SETX: variants seen among roughly 807,000 people sequenced by gnomAD.
The protein encoded by SETX is helicase senataxin.
SETX carries 90 observed loss-of-function variants against 227.2 expected under a neutral mutation model. That is an observed-to-expected ratio of 0.40 (90% CI 0.33 to 0.47). The LOEUF (loss-of-function observed/expected upper bound fraction) is 0.47, where lower values mean the gene tolerates loss of function less well. SETX is among the 20% of genes least tolerant of loss of function. The probability of loss-of-function intolerance (pLI) is 0.91; values close to 1 mark genes in which losing one functional copy is unlikely to be tolerated. For synonymous variants in SETX, 1,210 were observed against 1,113.2 expected, an observed-to-expected ratio of 1.09 and a Z score of -1.73; for missense variants, 3,052 against 3,181.5, an observed-to-expected ratio of 0.96 and a Z score of 0.98.
intron 7 of SETX, among the ~76,000 whole-genome samples, chr9:132,333,406 A>T (rs13290302): frequency 0.72 from 46,464 of 64,348 alleles, 17,737 homozygotes; most frequent in Non-Finnish European, 0.78. Flanking sequence ...AAGAAAAAAA[A>T]AAATATATAT....
intron 2 of SETX, among the ~76,000 whole-genome samples, chr9:132,352,083 G>A (rs1168685490): frequency 6.6e-6 from 1 of 152,198 alleles, no homozygotes; most frequent in African/African-American, 2.4e-5. Context: ...ACATCTGGAA[G>A]TTTAGATTCA....
At position 132,327,922 on chromosome 9, in the gene SETX, G is replaced by A. The variant is rs2131440671; in HGVS notation, c.3676C>T (p.Leu1226Phe). 1.2e-6 allele frequency: 2 copies of A among 1,614,104 alleles called. No homozygotes were observed. The highest frequency in any genetic ancestry group is 8.5e-7 in the Non-Finnish European group (1 of 1,180,014). Residue 1226 changes from leucine (L) to phenylalanine (F), a missense_variant, in exon 10 of 26, where the codon CTT becomes TTT. Coordinates refer to ENST00000224140, the MANE Select transcript of SETX (RefSeq NM_015046.7). ...CTGATGGGTTCTGTACAAGTACAAA[G>A]CTTTGAAGACTTCTTTTGTGAAACC... The part of the protein sequence containing the change: ...TTVSQKKSSK[L>F]CTCTEPIRKV...
In SETX at chr9:132,330,044, T is replaced by C. The variant is rs752542249; in HGVS notation, c.1554A>G (p.Ile518Met). 6.2e-7 allele frequency: 1 copy of C among 1,614,258 alleles called. No homozygotes were observed. The highest frequency in any genetic ancestry group is 8.5e-7 in the Non-Finnish European group (1 of 1,180,018). ...GCATGGAATGCAATGACAGTGAAGA[T>C]ATCATTGCTGTTCCTTTGGAGCAAT... ...SGNCSKGTAMISSLSLHSMPS... is the reference protein window; with the variant it reads ...SGNCSKGTAMMSSLSLHSMPS... The change falls in exon 10 of 26, where the codon ATA (isoleucine) becomes ATG (methionine). Residue 518 changes from isoleucine to methionine, a missense_variant. Physicochemically the swap from Ile to Met is conservative, Grantham distance 10 (BLOSUM62 1). Around this residue, in one of 10 missense-constraint regions of SETX, gnomAD observed 179 missense variants for 197.1 expected, o/e 0.91. Coordinates refer to ENST00000224140, the MANE Select transcript of SETX (RefSeq NM_015046.7).
Position 132,327,072 on chromosome 9 carries a change from C to G in SETX, c.4526G>C (p.Cys1509Ser). Residue 1509 changes from cysteine to serine, a missense_variant, in exon 10 of 26, where the codon TGT becomes TCT. Cys to Ser is a moderately radical substitution (Grantham distance 112). Around this residue, in one of 10 missense-constraint regions of SETX, gnomAD observed 1,483 missense variants for 1,312.0 expected, o/e 1.13. Transcript: ENST00000224140. ...TQNDPEDMDLCSQMENDNYKL... is the reference protein window; with the variant it reads ...TQNDPEDMDLSSQMENDNYKL... Reference sequence around the variant, plus strand: ...ATAATTGTCATTCTCCATTTGTGAACATAAATCCATATCTTCAGGATCATT... The same window carrying G: ...ATAATTGTCATTCTCCATTTGTGAAGATAAATCCATATCTTCAGGATCATT... 1.2e-6 allele frequency: 2 copies of G among 1,614,180 alleles called. No homozygotes were observed. Among genetic ancestry groups the G allele is most frequent in the Non-Finnish European group, 8.5e-7 (1 of 1,180,038 alleles).
rs1309364396 is a variant in SETX at position 132,327,516 on chromosome 9, T to C, written c.4082A>G (p.Asn1361Ser). ...QRQIRPKSQKNRRRLSDCEST... is the reference protein window; with the variant it reads ...QRQIRPKSQKSRRRLSDCEST... ...TTCACAATCAGAAAGTCTTCGTCTA[T>C]TTTTTTGTGATTTGGGTCTGATCTG... is the stretch of plus-strand genomic sequence containing the variant. The change falls in exon 10 of 26, where the codon AAT becomes AGT. Residue 1361 changes from asparagine (N) to serine (S), a missense_variant. Asn to Ser is a conservative substitution (Grantham distance 46). Transcript: ENST00000224140. 1.2e-6 allele frequency: 2 copies of C among 1,614,016 alleles called. No homozygotes were observed. Among genetic ancestry groups the C allele is most frequent in the Non-Finnish European group, 8.5e-7 (1 of 1,180,018 alleles).
chr9:132,288,678 C>T (rs1198190166), intron 15 of SETX, 27 bp from the exon 16 acceptor site: 1 of 1,407,456 alleles, frequency 7.1e-7, no homozygotes, highest in Admixed American at 1.7e-5. Context: ...CAGTTAAGGA[C>T]TAATAAGGAC....
chr9:132,329,436 T>C lies in SETX; in HGVS notation c.2162A>G (p.Tyr721Cys), dbSNP rs768106768. ...KQKSVKEISSYTPKDCTSRNG... is the reference protein window; with the variant it reads ...KQKSVKEISSCTPKDCTSRNG... Reference sequence around the variant, plus strand: ...TCTTGAAGTACAGTCCTTTGGTGTATATGAAGAGATCTCTTTTACAGACTT... The same window carrying C: ...TCTTGAAGTACAGTCCTTTGGTGTACATGAAGAGATCTCTTTTACAGACTT... The change falls in exon 10 of 26, where the codon TAT (tyrosine) becomes TGT (cysteine). Residue 721 changes from tyrosine to cysteine, a missense_variant. Physicochemically the swap from Tyr to Cys is radical, Grantham distance 194. Transcript: ENST00000224140. 6.2e-6 allele frequency: 10 copies of C among 1,613,468 alleles called. No homozygotes were observed. The highest frequency in any genetic ancestry group is 8.5e-6 in the Non-Finnish European group (10 of 1,179,952).
In SETX at chr9:132,278,123, G is replaced by A. The variant is rs913428653; in HGVS notation, c.6789C>T (p.Asp2263=). The A allele has an allele frequency of 6.2e-7, 1 of 1,614,008 alleles. No homozygotes were observed. Among genetic ancestry groups the A allele is most frequent in the Non-Finnish European group, 8.5e-7 (1 of 1,179,994 alleles). ...CATAATTAGAAGGGAAGAGGCATAT[G>A]TCTGGATGCATCCTGTACTGAACAG... The part of the protein sequence containing the change: ...QLTVQYRMHP[D]ICLFPSNYVY... The change falls in exon 21 of 26, where the codon GAC becomes GAT. Residue 2263 remains aspartate, a synonymous_variant. Transcript: ENST00000224140.
chr9:132,353,918 G>A (rs950235870), intron 1 of SETX, among the ~76,000 whole-genome samples, 163 bp from the exon 2 acceptor site: 1 of 152,194 alleles, frequency 6.6e-6, no homozygotes, highest in East Asian at 1.9e-4. Context: ...CAGCAGAACT[G>A]CAATTCTGAC....
intron 1 of SETX, among the ~76,000 whole-genome samples, chr9:132,354,392 G>A (rs1449662408): frequency 1.3e-5 from 2 of 151,742 alleles, no homozygotes; most frequent in South Asian, 4.2e-4. Flanking sequence ...GTTACTCGGG[G>A]GGATGAGGCG....
At chr9:132,296,436 C>T (rs1844673348) in intron 14 of SETX, among the ~76,000 whole-genome samples, 1 of 152,052 alleles carries the variant, frequency 6.6e-6, no homozygotes. Flanking sequence ...GCCTGTAATC[C>T]CAGCCACTAG....
chr9:132,269,741 G>T lies in SETX; in HGVS notation c.7200-39C>A. ...AAAGAGTTCCTTCTTTGTCTAGAATGACTTAACATGCCCATGTGAGACAAA... is the reference window on the plus strand; with the variant it reads ...AAAGAGTTCCTTCTTTGTCTAGAATTACTTAACATGCCCATGTGAGACAAA... On this transcript the variant is annotated intron_variant, in intron 24 of 25. Transcript: ENST00000224140. The T allele has an allele frequency of 2.5e-6, 4 of 1,592,186 alleles. No homozygotes were observed. The South Asian group carries it at 3.3e-5, about 13-fold the overall frequency.
In SETX at chr9:132,346,276, G is replaced by T. The variant is rs1206306151; in HGVS notation, c.373C>A (p.Leu125Ile). 1 of 1,613,298 alleles carries T rather than the reference G, an allele frequency of 6.2e-7. No individual in the cohort carries two copies. The highest frequency in any genetic ancestry group is 2.2e-5 in the East Asian group (1 of 44,850). The change falls in exon 4 of 26, where the codon CTA becomes ATA. Residue 125 changes from leucine (L) to isoleucine (I), a missense_variant. Physicochemically the swap from Leu to Ile is conservative, Grantham distance 5. Coordinates refer to ENST00000224140, the MANE Select transcript of SETX (RefSeq NM_015046.7). ...AGATACTCACTAACACGTTCATGTAGAAGCAAGTAAGGATATTTCAGTATT... is the reference window on the plus strand; with the variant it reads ...AGATACTCACTAACACGTTCATGTATAAGCAAGTAAGGATATTTCAGTATT... ...LEILKYPYLL[L>I]HERVNELCVE...
chr9:132,265,261 C>G (rs1842588105), intron 25 of SETX, among the ~76,000 whole-genome samples: 1 of 133,388 alleles, frequency 7.5e-6, no homozygotes. Flanking sequence ...GAGACTCACT[C>G]TGTTGCCAGG....
At chr9:132,284,080 T>C (rs530046004) in intron 18 of SETX, among the ~76,000 whole-genome samples, 2 of 152,336 alleles carry the variant, frequency 1.3e-5, no homozygotes, top group South Asian at 4.1e-4. Context: ...TCTCAGCACA[T>C]ACGATATATT....
At chr9:132,315,057 C>A (rs1317349005) in intron 10 of SETX, among the ~76,000 whole-genome samples, 1 of 151,442 alleles carries the variant, frequency 6.6e-6, no homozygotes, top group Admixed American at 6.6e-5. Flanking sequence ...GGATTACAGG[C>A]ACGTGCCACC....
chr9:132,346,866 G>A (rs148982096), intron 3 of SETX, among the ~76,000 whole-genome samples: 2 of 151,930 alleles, frequency 1.3e-5, no homozygotes, highest in Admixed American at 6.6e-5. Flanking sequence ...GAAGCAAAAG[G>A]ATCACTTGAG....
At chr9:132,320,991 CAA>C (rs1338980427) in intron 10 of SETX, among the ~76,000 whole-genome samples, 1 of 151,744 alleles carries the variant, frequency 6.6e-6, no homozygotes, top group Non-Finnish European at 1.5e-5. Context: ...CAAAAAATGA[CAA>C]GAGATTTTGT....
intron 3 of SETX, among the ~76,000 whole-genome samples, chr9:132,348,469 C>G (rs1439321558): frequency 1.3e-5 from 2 of 150,360 alleles, no homozygotes; most frequent in African/African-American, 4.9e-5. Context: ...AATTATGAAA[C>G]AAATCCCCTC....
Sources: gnomAD v4.1 joint callset for allele counts (sites outside exome capture counted in the v4.1 genomes callset) on GRCh38, gnomAD v4.1.1 for gene constraint, gnomAD v4.1.1 regional missense constraint, MANE v1.5 for transcripts, NCBI Gene and HGNC (gene_info 2026-07-23, HGNC 2026-07-21) for gene names.